The following HERC2 variants were observed in gnomAD, a reference collection of about 807,000 sequenced individuals.
HERC2 encodes E3 ubiquitin-protein ligase HERC2.
In HERC2, 102 loss-of-function variants were observed where a neutral mutation model predicts 537.7. That is an observed-to-expected ratio of 0.19 (90% CI 0.16 to 0.22). The LOEUF (loss-of-function observed/expected upper bound fraction) is 0.22. Ranked by LOEUF, HERC2 falls within the 10% of genes least tolerant of loss-of-function variation. The pLI is 1.00. For missense variants in HERC2, 4,236 were observed against 6,198.2 expected (o/e 0.68, Z 10.63); for synonymous variants, 2,224 against 2,466.2 (o/e 0.90, Z 2.91).
chr15:28,179,027 G>A lies in HERC2; in HGVS notation c.9023C>T (p.Thr3008Ile), dbSNP rs1256435526. The change falls in exon 59 of 93, where the codon ACT becomes ATT. Residue 3008 changes from threonine (T) to isoleucine (I), a missense_variant. Thr to Ile is a moderately conservative substitution (Grantham distance 89). This residue lies in a region of HERC2 where 606 missense variants were observed against 884.5 expected (regional missense o/e 0.69). Coordinates refer to ENST00000261609, the MANE Select transcript of HERC2 (RefSeq NM_004667.6). ...ACAGGCATACACCTTCCCTTCCACA[G>A]TCACTGCAAGGAACGACAGCCAGGA... is the stretch of plus-strand genomic sequence containing the variant. ...AGGSKSLFAV[T>I]VEGKVYACGE... 1 of 1,613,594 alleles carries A rather than the reference G, an allele frequency of 6.2e-7. No individual in the cohort carries two copies. Among genetic ancestry groups the A allele is most frequent in the Admixed American group, 1.7e-5 (1 of 59,938 alleles).
intron 2 of HERC2, chr15:28,315,851 G>A (rs2077067859): frequency 1.7e-6 from 1 of 572,664 alleles, no homozygotes; most frequent in Non-Finnish European, 3.3e-6. Context: ...TACAAGTTGT[G>A]GGACTGCATG....
At chr15:28,221,940 T>C (rs1900561937) in intron 36 of HERC2, 88 bp downstream of exon 36, 1 of 1,016,050 alleles carries the variant, frequency 9.8e-7, no homozygotes, top group Non-Finnish European at 1.6e-6. Context: ...TCCTGGATTA[T>C]TCCAATTTCC....
intron 23 of HERC2, among the ~76,000 whole-genome samples, chr15:28,244,916 T>C (rs1213256833): frequency 6.6e-6 from 1 of 152,194 alleles, no homozygotes; most frequent in East Asian, 1.9e-4. Flanking sequence ...CTGATTTTGA[T>C]TGATTCTGAG....
chr15:28,198,500 T>G lies in HERC2; in HGVS notation c.7889A>C (p.Tyr2630Ser). Residue 2630 changes from tyrosine (Y) to serine (S), a missense_variant, in exon 50 of 93, where the codon TAT (tyrosine) becomes TCT (serine). Physicochemically the swap from Tyr to Ser is moderately radical, Grantham distance 144. Transcript: ENST00000261609. The part of the protein sequence containing the change: ...VRYIHVELIG[Y>S]PPPSSSSHIK... ...GTGAGAAGAAGAACTTGGTGGAGGA[T>G]AGCCTACAGATGTCAATAACAAATC... is the stretch of plus-strand genomic sequence containing the variant. 1 of 1,614,012 alleles carries G rather than the reference T, an allele frequency of 6.2e-7. No homozygotes were observed. Among genetic ancestry groups the G allele is most frequent in the Non-Finnish European group, 8.5e-7 (1 of 1,179,996 alleles).
At position 28,246,899 on chromosome 15, in the gene HERC2, T is replaced by C. The variant is rs1461113906; in HGVS notation, c.3236-2A>G. On this transcript the variant is annotated splice_acceptor_variant, in intron 21 of 92. Transcript: ENST00000261609. LOFTEE classifies it high-confidence loss of function. ...AACCAACACCCATTAGCTCTGGACC[T>C]TGAAGAAGGATTGAGAAATTTTCAT... 2 of 1,594,292 alleles carry C rather than the reference T, an allele frequency of 1.3e-6. No homozygotes were observed. Among genetic ancestry groups the C allele is most frequent in the Non-Finnish European group, 1.7e-6 (2 of 1,174,778 alleles).
At chr15:28,162,119 C>T (rs1893664386) in intron 69 of HERC2, among the ~76,000 whole-genome samples, 1 of 152,034 alleles carries the variant, frequency 6.6e-6, no homozygotes, top group Admixed American at 6.5e-5. Context: ...CACTTGAGGT[C>T]AGCAGTTCCA....
Position 28,272,882 on chromosome 15 carries a change from G to C in HERC2, c.911+12C>G. ...GCTTCCCCAAAGCGTTCCCGTCTGC[G>C]GCAGCCCTCACCTCAGCGTGCCTCT... On this transcript the variant is annotated intron_variant, in intron 8 of 92. Transcript: ENST00000261609. The C allele has an allele frequency of 6.3e-7, 1 of 1,587,756 alleles. No homozygotes were observed. The highest frequency in any genetic ancestry group is 1.3e-5 in the African/African-American group (1 of 74,578).
intron 2 of HERC2, among the ~76,000 whole-genome samples, chr15:28,300,995 C>T (rs1176967218): frequency 6.6e-6 from 1 of 151,668 alleles, no homozygotes; most frequent in Non-Finnish European, 1.5e-5. Flanking sequence ...AATCTGACAG[C>T]GGCACCCAGA....
At chr15:28,164,566 T>C (rs1893943330) in intron 68 of HERC2, among the ~76,000 whole-genome samples, 1 of 152,124 alleles carries the variant, frequency 6.6e-6, no homozygotes, top group South Asian at 2.1e-4. Context: ...TCTTAAAACA[T>C]GCACACACAC....
Position 28,132,626 on chromosome 15 carries a change from C to T in HERC2, c.12408+27G>A, listed in dbSNP as rs8025035. 0.89 allele frequency: 1,255,153 copies of T among 1,410,322 alleles called. 572,892 individuals carry two copies. Among genetic ancestry groups the T allele is most frequent in the Non-Finnish European group, 0.94 (1,013,118 of 1,073,702 alleles). The allele number at this position is 1,410,322 out of a possible 1,614,324, so 87.4% of individuals were successfully genotyped here. A position where few individuals can be genotyped will look rare whatever the true frequency, so the allele number is the denominator to read the frequency against. ...GCAGCAGTGAGGAGCATGCAGCCTC[C>T]GGCCTCTGCACACGGCGCCTCCTCA... On this transcript the variant is annotated intron_variant, in intron 80 of 92. Transcript: ENST00000261609.
chr15:28,135,306 C>A (rs1274350523), intron 79 of HERC2, among the ~76,000 whole-genome samples, 172 bp downstream of exon 79: 1 of 152,094 alleles, frequency 6.6e-6, no homozygotes, highest in Admixed American at 6.5e-5. Flanking sequence ...TACGGGTAAG[C>A]CTTCGTATTG....
rs1317398191 is a variant in HERC2 at position 28,192,294 on chromosome 15, G to A, written c.8261-143C>T. On this transcript the variant is annotated intron_variant, in intron 52 of 92. Transcript: ENST00000261609. Reference sequence around the variant, plus strand: ...AAGGAGTTAATAAATGCCACAAATGGTTTCCCTAGTCAAGATATAGTTACA... The same window carrying A: ...AAGGAGTTAATAAATGCCACAAATGATTTCCCTAGTCAAGATATAGTTACA... 3 of 659,076 alleles carry A rather than the reference G, an allele frequency of 4.6e-6. No homozygotes were observed. In the Admixed American group the frequency reaches 9.4e-5, roughly 21 times the overall value. The allele number at this position is 659,076 out of a possible 1,614,324, so 40.8% of individuals were successfully genotyped here. A position where few individuals can be genotyped will look rare whatever the true frequency, so the allele number is the denominator to read the frequency against.
At chr15:28,158,914 T>C (rs1188586109) in intron 69 of HERC2, among the ~76,000 whole-genome samples, 1 of 152,204 alleles carries the variant, frequency 6.6e-6, no homozygotes, top group Non-Finnish European at 1.5e-5. Flanking sequence ...CTTCAGGAGT[T>C]CTTTTAGGGC....
chr15:28,218,378 A>G, intron 38 of HERC2, 111 bp downstream of exon 38: 11 of 881,466 alleles, frequency 1.2e-5, no homozygotes, highest in Non-Finnish European at 2.0e-5. Flanking sequence ...TTGTTACAGC[A>G]GCCACAGGAA....
At position 28,116,843 on chromosome 15, in the gene HERC2, G is replaced by A. The variant is rs1888308392; in HGVS notation, c.13431C>T (p.Asp4477=). Reference sequence around the variant, plus strand: ...TGGACTCGCTGTAGCCGCCCCCACAGTCATCCACAGATTCACCTGCAGGGG... The same window carrying A: ...TGGACTCGCTGTAGCCGCCCCCACAATCATCCACAGATTCACCTGCAGGGG... ...KVKFVGESVD[D]CGGGYSESIA... Residue 4477 remains aspartate, a synonymous_variant, in exon 88 of 93, where the codon GAC becomes GAT. Coordinates refer to ENST00000261609, the MANE Select transcript of HERC2 (RefSeq NM_004667.6). 3 of 1,612,196 alleles carry A rather than the reference G, an allele frequency of 1.9e-6. No homozygotes were observed. The highest frequency in any genetic ancestry group is 1.3e-5 in the African/African-American group (1 of 75,044).
intron 69 of HERC2, 45 bp downstream of exon 69, chr15:28,163,049 A>G (rs757900398): frequency 6.6e-7 from 1 of 1,521,576 alleles, no homozygotes; most frequent in Non-Finnish European, 8.9e-7. Flanking sequence ...GTGGCCCAAC[A>G]TGGAGGAGGT....
intron 74 of HERC2, 83 bp downstream of exon 74, chr15:28,143,790 C>T (rs566302123): frequency 9.2e-5 from 141 of 1,539,464 alleles, no homozygotes; most frequent in Non-Finnish European, 1.2e-4. Flanking sequence ...CTCCTCTCAA[C>T]GATTTAGAGG....
intron 47 of HERC2, among the ~76,000 whole-genome samples, 196 bp from the exon 48 acceptor site, chr15:28,201,750 T>C (rs1428358231): frequency 2.0e-5 from 3 of 152,184 alleles, no homozygotes. Flanking sequence ...GCTACAAGTA[T>C]ACAAAATTTC....
At position 28,186,636 on chromosome 15, in the gene HERC2, T is replaced by A. The variant is rs755099031; in HGVS notation, c.8766A>T (p.Ala2922=). The change falls in exon 56 of 93, where the codon GCA becomes GCT. Residue 2922 remains alanine (A), a synonymous_variant. Transcript: ENST00000261609. ...CATTATCCGAAGCTAAGAAAGGAAC[T>A]GCAGCCAAATCTTCCTCTTCTGCAC... ...RIRAEEEDLA[A]VPFLASDNEE... 4.3e-6 allele frequency: 7 copies of A among 1,614,064 alleles called. No individual in the cohort carries two copies. The highest frequency in any genetic ancestry group is 5.9e-6 in the Non-Finnish European group (7 of 1,180,022).
Sources: gnomAD v4.1 joint callset for allele counts (sites outside exome capture counted in the v4.1 genomes callset) on GRCh38, gnomAD v4.1.1 for gene constraint, gnomAD v4.1.1 regional missense constraint, MANE v1.5 for transcripts, NCBI Gene and HGNC (gene_info 2026-07-23, HGNC 2026-07-21) for gene names.